Variants in BLTP3A observed in about 807,000 individuals in gnomAD.
BLTP3A encodes the protein ICBP90 binding protein 1.
At chr6:34,862,677 A>T in the BLTP3A span, among the ~76,000 whole-genome samples, 1 of 151,752 alleles carries the variant, frequency 6.6e-6, no homozygotes, top group Non-Finnish European at 1.5e-5. Flanking sequence ...TACTAAAAAT[A>T]CAAAAAATTA....
the BLTP3A span, among the ~76,000 whole-genome samples, chr6:34,833,404 A>T: frequency 7.7e-6 from 1 of 129,594 alleles, no homozygotes; most frequent in African/African-American, 3.5e-5. Context: ...ATGCTCCATC[A>T]TTGAAGATTT....
At chr6:34,794,384 AC>A in the BLTP3A span, among the ~76,000 whole-genome samples, 5 of 152,246 alleles carry the variant, frequency 3.3e-5, no homozygotes, top group Middle Eastern at 3.2e-3. Context: ...ATATGTAAGG[AC>A]TTAGCACAGT....
the BLTP3A span, chr6:34,870,955 CT>C: frequency 2.5e-6 from 4 of 1,614,198 alleles, no homozygotes; most frequent in South Asian, 1.1e-5. Flanking sequence ...TCATTCCCCC[CT>C]GGCCTCACAA....
chr6:34,846,952 T>C, the BLTP3A span, among the ~76,000 whole-genome samples: 1 of 152,342 alleles, frequency 6.6e-6, no homozygotes, highest in South Asian at 2.1e-4. Context: ...CATACAGTTT[T>C]TTGAAGGTTT....
chr6:34,845,247 G>A, the BLTP3A span, among the ~76,000 whole-genome samples: 1 of 152,042 alleles, frequency 6.6e-6, no homozygotes, highest in East Asian at 1.9e-4. Context: ...TGCTGTTTTG[G>A]TTATAGCACC....
chr6:34,874,146 T>G, the BLTP3A span: 1 of 152,184 alleles, frequency 6.6e-6, no homozygotes, highest in South Asian at 2.1e-4. Context: ...TATTTAAAAT[T>G]TTTATAAATG....
At chr6:34,808,522 AAG>A in the BLTP3A span, among the ~76,000 whole-genome samples, 1 of 152,118 alleles carries the variant, frequency 6.6e-6, no homozygotes. Flanking sequence ...TCAGCGGTGA[AAG>A]AGGGGTTATC....
the BLTP3A span, among the ~76,000 whole-genome samples, chr6:34,824,573 A>C: frequency 6.7e-6 from 1 of 150,228 alleles, no homozygotes; most frequent in African/African-American, 2.5e-5. Context: ...AAAAAAAAAA[A>C]CCCAAGAATT....
chr6:34,846,457 G>T, the BLTP3A span, among the ~76,000 whole-genome samples: 3 of 151,958 alleles, frequency 2.0e-5, no homozygotes, highest in Admixed American at 6.6e-5. Flanking sequence ...TCTTGTGTCA[G>T]TGTTTTATAG....
chr6:34,859,360 G>C, the BLTP3A span: 2 of 1,614,150 alleles, frequency 1.2e-6, no homozygotes, highest in Non-Finnish European at 1.7e-6. Context: ...GGAGACTGCT[G>C]TGAATGGACA....
At chr6:34,858,662 C>CTT in the BLTP3A span, 9 of 1,614,100 alleles carry the variant, frequency 5.6e-6, no homozygotes, top group Non-Finnish European at 7.6e-6. Flanking sequence ...GCCCCTGACT[C>CTT]TATGTCCCAT....
At chr6:34,862,387 A>G in the BLTP3A span, among the ~76,000 whole-genome samples, 1 of 151,830 alleles carries the variant, frequency 6.6e-6, no homozygotes, top group African/African-American at 2.4e-5. Flanking sequence ...AAAAAAAAAA[A>G]TAATAATAAA....
the BLTP3A span, chr6:34,792,126 T>TGGCGGCGGCGGC: frequency 2.7e-3 from 1,902 of 710,020 alleles, 34 homozygotes; most frequent in African/African-American, 0.027. Context: ...GAAAGCGCCA[T>TGGCGGCGGCGGC]GGCGGCGGCG....
At chr6:34,856,523 G>A in the BLTP3A span, 4 of 1,380,036 alleles carry the variant, frequency 2.9e-6, no homozygotes, top group Admixed American at 2.5e-5. Flanking sequence ...ATGTAATGGA[G>A]AGACATCAGT....
chr6:34,872,399 T>C, the BLTP3A span: 2 of 1,612,832 alleles, frequency 1.2e-6, no homozygotes, highest in East Asian at 4.5e-5. Flanking sequence ...AAAAACTTCT[T>C]CAGGAGATTA....
At chr6:34,857,803 C>A in the BLTP3A span, 2 of 1,614,138 alleles carry the variant, frequency 1.2e-6, no homozygotes, top group Non-Finnish European at 8.5e-7. Flanking sequence ...GGGGAAACCT[C>A]TTTTGCCTGG....
the BLTP3A span, among the ~76,000 whole-genome samples, chr6:34,833,957 C>T: frequency 6.7e-6 from 1 of 149,682 alleles, no homozygotes; most frequent in Non-Finnish European, 1.5e-5. Context: ...ATTACTGCAG[C>T]CAAGCACAGT....
chr6:34,849,999 C>T, the BLTP3A span, among the ~76,000 whole-genome samples: 85 of 151,896 alleles, frequency 5.6e-4, no homozygotes, highest in Non-Finnish European at 1.1e-3. Flanking sequence ...CAAAATTAGC[C>T]GGGTGTGGTG....
At chr6:34,812,833 T>G in the BLTP3A span, among the ~76,000 whole-genome samples, 1,282 of 152,326 alleles carry the variant, frequency 8.4e-3, 19 homozygotes, top group African/African-American at 0.027. Context: ...TTATCTGGGA[T>G]GAAATGGCAT....
Sources: allele counts gnomAD v4.1 joint callset (sites outside exome capture counted in the v4.1 genomes callset), GRCh38; gene constraint gnomAD v4.1.1; transcripts MANE v1.5; gene names NCBI Gene and HGNC (gene_info 2026-07-23, HGNC 2026-07-21).